The following ENTREP2 variants were observed in gnomAD, a reference collection of about 807,000 sequenced individuals.
The protein encoded by ENTREP2 is protein ENTREP2.
the ENTREP2 span, among the ~76,000 whole-genome samples, chr15:29,168,622 AG>A: frequency 6.6e-6 from 1 of 152,208 alleles, no homozygotes; most frequent in Non-Finnish European, 1.5e-5. Context: ...CATATGGAGA[AG>A]GTAAGTGATT....
At chr15:29,179,294 T>TC in the ENTREP2 span, among the ~76,000 whole-genome samples, 1 of 152,244 alleles carries the variant, frequency 6.6e-6, no homozygotes, top group Admixed American at 6.5e-5. Flanking sequence ...ATGTGGTGAG[T>TC]ATAGGAGCCA....
the ENTREP2 span, among the ~76,000 whole-genome samples, chr15:29,386,660 G>A: frequency 6.6e-6 from 1 of 152,172 alleles, no homozygotes; most frequent in Non-Finnish European, 1.5e-5. Context: ...TTTGGAGATG[G>A]GGCCTCTGGG....
the ENTREP2 span, among the ~76,000 whole-genome samples, chr15:29,528,314 T>C: frequency 2.9e-4 from 43 of 146,624 alleles, no homozygotes; most frequent in African/African-American, 1.1e-3. Context: ...AATAAGAAGA[T>C]ACAGTCTCAA....
the ENTREP2 span, among the ~76,000 whole-genome samples, chr15:29,300,294 GGGTA>G: frequency 3.4e-5 from 2 of 58,772 alleles, no homozygotes; most frequent in African/African-American, 1.7e-4. Flanking sequence ...ATCGGTAGGT[GGGTA>G]GATGGATGGA....
At chr15:29,136,421 G>C in the ENTREP2 span, 1 of 1,544,058 alleles carries the variant, frequency 6.5e-7, no homozygotes, top group Non-Finnish European at 8.7e-7. Flanking sequence ...GAGCTCAGCA[G>C]GATAGAGCAG....
the ENTREP2 span, among the ~76,000 whole-genome samples, chr15:29,322,340 A>G: frequency 2.6e-5 from 4 of 152,332 alleles, no homozygotes; most frequent in East Asian, 7.7e-4. Flanking sequence ...TATTACCTAT[A>G]GTCACCACAT....
the ENTREP2 span, among the ~76,000 whole-genome samples, chr15:29,516,736 A>G: frequency 2.0e-5 from 3 of 152,124 alleles, no homozygotes; most frequent in Non-Finnish European, 4.4e-5. Context: ...GTGTGTTGTC[A>G]TATTTTCTCT....
At chr15:29,171,154 G>A in the ENTREP2 span, among the ~76,000 whole-genome samples, 361 of 152,214 alleles carry the variant, frequency 2.4e-3, no homozygotes, top group Middle Eastern at 6.8e-3. Flanking sequence ...TATTAAATTC[G>A]ACCTCCAACA....
At chr15:29,485,964 A>C in the ENTREP2 span, among the ~76,000 whole-genome samples, 1 of 152,240 alleles carries the variant, frequency 6.6e-6, no homozygotes, top group South Asian at 2.1e-4. Flanking sequence ...TTTCTCAAAA[A>C]AGTAAAAACA....
the ENTREP2 span, among the ~76,000 whole-genome samples, chr15:29,213,307 G>GT: frequency 6.6e-6 from 1 of 152,074 alleles, no homozygotes; most frequent in Non-Finnish European, 1.5e-5. Context: ...CTTTAAAGTA[G>GT]TTTTTTCCAA....
the ENTREP2 span, among the ~76,000 whole-genome samples, chr15:29,211,470 T>G: frequency 6.6e-6 from 1 of 152,350 alleles, no homozygotes; most frequent in South Asian, 2.1e-4. Flanking sequence ...TATGGGAAAT[T>G]ACTTTCCCTT....
At chr15:29,178,866 G>C in the ENTREP2 span, among the ~76,000 whole-genome samples, 3 of 152,290 alleles carry the variant, frequency 2.0e-5, no homozygotes, top group East Asian at 5.8e-4. Flanking sequence ...GAAAGGTCTT[G>C]TTGAAATTAA....
chr15:29,645,301 C>G, the ENTREP2 span, among the ~76,000 whole-genome samples: 2 of 152,128 alleles, frequency 1.3e-5, no homozygotes, highest in African/African-American at 4.8e-5. Context: ...AGATGTAGAT[C>G]CTGCCAACAG....
the ENTREP2 span, among the ~76,000 whole-genome samples, chr15:29,629,356 T>C: frequency 6.6e-6 from 1 of 152,218 alleles, no homozygotes; most frequent in Admixed American, 6.5e-5. Flanking sequence ...CTCCTGTGTG[T>C]TGTCTCCAGT....
At chr15:29,220,467 T>C in the ENTREP2 span, among the ~76,000 whole-genome samples, 1 of 152,220 alleles carries the variant, frequency 6.6e-6, no homozygotes, top group African/African-American at 2.4e-5. Flanking sequence ...TCACTTTTCA[T>C]GCAATTAAAG....
the ENTREP2 span, among the ~76,000 whole-genome samples, chr15:29,178,293 TAA>T: frequency 4.2e-4 from 47 of 111,280 alleles, no homozygotes; most frequent in Admixed American, 5.9e-4. Flanking sequence ...GAACCTGTCT[TAA>T]AAAAAAAAAA....
chr15:29,578,711 G>A, the ENTREP2 span, among the ~76,000 whole-genome samples: 1 of 152,170 alleles, frequency 6.6e-6, no homozygotes, highest in Non-Finnish European at 1.5e-5. Flanking sequence ...TTACGGACAG[G>A]AATCATTCAC....
chr15:29,424,422 T>G, the ENTREP2 span, among the ~76,000 whole-genome samples: 1 of 152,100 alleles, frequency 6.6e-6, no homozygotes, highest in Non-Finnish European at 1.5e-5. Flanking sequence ...ATTGGTGCAT[T>G]TACAATCCTT....
chr15:29,590,699 A>AAAAAAG, the ENTREP2 span, among the ~76,000 whole-genome samples: 63 of 148,860 alleles, frequency 4.2e-4, no homozygotes, highest in African/African-American at 1.5e-3. Context: ...AAAAAAAAAA[A>AAAAAAG]AAAAAGAAAA....
Sources: gnomAD v4.1 joint callset for allele counts (sites outside exome capture counted in the v4.1 genomes callset) on GRCh38, gnomAD v4.1.1 for gene constraint, MANE v1.5 for transcripts, NCBI Gene and HGNC (gene_info 2026-07-23, HGNC 2026-07-21) for gene names.